The following LRRTM4 variants were observed in gnomAD, a reference collection of about 807,000 sequenced individuals.
LRRTM4 encodes leucine rich repeat transmembrane neuronal 4.
In LRRTM4, 25 loss-of-function variants were observed where a neutral mutation model predicts 47.6. The ratio of observed to expected loss-of-function variants is 0.53; its 90% confidence interval spans 0.38 to 0.73. The LOEUF (loss-of-function observed/expected upper bound fraction) is 0.73, where lower values mean the gene tolerates loss of function less well. Ranked by LOEUF, LRRTM4 falls within the 30% of genes least tolerant of loss-of-function variation. The probability of loss-of-function intolerance (pLI) is 0.00; values close to 1 mark genes in which losing one functional copy is unlikely to be tolerated. For synonymous variants in LRRTM4, 311 were observed against 269.5 expected (o/e 1.15, Z -1.51); for missense variants, 638 against 713.4 (o/e 0.89, Z 1.20).
chr2:77,460,720 A>G (rs2103971642), intron 3 of LRRTM4, among the ~76,000 whole-genome samples: 1 of 152,258 alleles, frequency 6.6e-6, no homozygotes, highest in Non-Finnish European at 1.5e-5. Context: ...TGATAGTCAG[A>G]TAATTCATTT....
chr2:76,978,635 C>G (rs1300384751), intron 3 of LRRTM4, among the ~76,000 whole-genome samples: 1 of 152,038 alleles, frequency 6.6e-6, no homozygotes, highest in African/African-American at 2.4e-5. Context: ...CACATATTTA[C>G]AGAGGTTCTA....
intron 3 of LRRTM4, among the ~76,000 whole-genome samples, chr2:76,780,116 T>C (rs1007916537): frequency 3.3e-5 from 5 of 152,266 alleles, no homozygotes; most frequent in African/African-American, 7.2e-5. Flanking sequence ...TTGCAGGGTT[T>C]CTGCCGAGAG....
intron 3 of LRRTM4, among the ~76,000 whole-genome samples, chr2:76,836,887 T>C (rs1671530898): frequency 6.6e-6 from 1 of 152,152 alleles, no homozygotes; most frequent in Non-Finnish European, 1.5e-5. Flanking sequence ...GAAATTGGTT[T>C]GTCTTTTCCC....
intron 3 of LRRTM4, among the ~76,000 whole-genome samples, chr2:76,910,046 C>T (rs7421052): frequency 0.14 from 22,022 of 152,012 alleles, 2,000 homozygotes; most frequent in Admixed American, 0.22. Flanking sequence ...CACATGAACA[C>T]GTATGTTTAT....
At chr2:77,138,483 G>A (rs1289917695) in intron 3 of LRRTM4, among the ~76,000 whole-genome samples, 1 of 152,140 alleles carries the variant, frequency 6.6e-6, no homozygotes, top group Non-Finnish European at 1.5e-5. Flanking sequence ...TGTGTAGAGG[G>A]AAATTTATAG....
intron 3 of LRRTM4, among the ~76,000 whole-genome samples, chr2:77,179,355 T>G (rs1369367679): frequency 6.6e-6 from 1 of 152,190 alleles, no homozygotes; most frequent in Non-Finnish European, 1.5e-5. Context: ...AAAAAGTCAA[T>G]GAACAAAGTC....
intron 3 of LRRTM4, among the ~76,000 whole-genome samples, chr2:77,199,261 G>A (rs2103896011): frequency 6.6e-6 from 1 of 152,170 alleles, no homozygotes; most frequent in South Asian, 2.1e-4. Context: ...TCAAGTTTTA[G>A]ATAATTTAAC....
chr2:77,318,180 G>A (rs2104217621), intron 3 of LRRTM4, among the ~76,000 whole-genome samples: 1 of 151,842 alleles, frequency 6.6e-6, no homozygotes, highest in African/African-American at 2.4e-5. Context: ...CTAATTTTTT[G>A]TATTTTTAGT....
intron 3 of LRRTM4, among the ~76,000 whole-genome samples, chr2:77,504,962 A>T (rs1316491936): frequency 2.0e-5 from 3 of 151,490 alleles, no homozygotes; most frequent in Admixed American, 6.6e-5. Context: ...GCAAATTTTC[A>T]TGAATAGTTT....
chr2:77,437,287 T>A (rs534327997), intron 3 of LRRTM4, among the ~76,000 whole-genome samples: 1 of 152,046 alleles, frequency 6.6e-6, no homozygotes, highest in Non-Finnish European at 1.5e-5. Context: ...CAGGCAAGCA[T>A]GAGAAATTTT....
At chr2:77,510,290 A>C (rs1162428096) in intron 3 of LRRTM4, among the ~76,000 whole-genome samples, 1 of 152,284 alleles carries the variant, frequency 6.6e-6, no homozygotes, top group East Asian at 1.9e-4. Context: ...TCAAATATTT[A>C]GATCTTCAAG....
intron 3 of LRRTM4, among the ~76,000 whole-genome samples, chr2:77,306,895 A>ATTTTTTTTTTTTTTTTTTTTTT (rs1491512359): frequency 8.0e-6 from 1 of 125,586 alleles, no homozygotes; most frequent in African/African-American, 3.9e-5. Flanking sequence ...CTGCTTTTCC[A>ATTTTTTTTTTTTTTTTTTTTTT]TATTTTTTTT....
At chr2:77,225,598 C>T (rs1015339677) in intron 3 of LRRTM4, among the ~76,000 whole-genome samples, 6 of 151,960 alleles carry the variant, frequency 3.9e-5, no homozygotes, top group Non-Finnish European at 7.4e-5. Flanking sequence ...TCACAATTCT[C>T]GACTAATGTT....
intron 3 of LRRTM4, among the ~76,000 whole-genome samples, chr2:76,851,325 A>G (rs944093599): frequency 6.6e-6 from 1 of 152,222 alleles, no homozygotes; most frequent in Admixed American, 6.6e-5. Context: ...CAAGCTGAAA[A>G]GCTTAACAAC....
At chr2:77,188,616 C>T (rs1481191273) in intron 3 of LRRTM4, among the ~76,000 whole-genome samples, 2 of 152,160 alleles carry the variant, frequency 1.3e-5, no homozygotes, top group Non-Finnish European at 2.9e-5. Flanking sequence ...TATGATCCAT[C>T]CACACTGCAA....
chr2:77,089,699 C>T (rs1016965804), intron 3 of LRRTM4, among the ~76,000 whole-genome samples: 2 of 151,838 alleles, frequency 1.3e-5, no homozygotes, highest in South Asian at 2.1e-4. Context: ...AACTTAAAAC[C>T]TCTTCAACTC....
Position 76,942,676 on chromosome 2 carries a change from C to CTGTGTGTGTGTGTGTGTGTGTGTG in LRRTM4, c.1552-193784_1552-193761dup, listed in dbSNP as rs61077287. Among the ~76,000 whole-genome samples the CTGTGTGTGTGTGTGTGTGTGTGTG allele has an allele frequency of 1.8e-3, 267 of 148,304 alleles. 1 individual carries two copies. The East Asian group carries it at 0.018, about 10-fold the overall frequency. ...GGTCAAGTAACCAACCTCTAGGAAT[C>CTGTGTGTGTGTGTGTGTGTGTGTG]TGTGTGTGTGTGTGTGTGTGTGTGT... is the stretch of plus-strand genomic sequence containing the variant. On this transcript the variant is annotated intron_variant, in intron 3 of 3. Coordinates refer to ENST00000409884, the MANE Select transcript of LRRTM4 (RefSeq NM_001134745.3).
chr2:76,960,277 T>G (rs1573371186), intron 3 of LRRTM4, among the ~76,000 whole-genome samples: 2 of 151,712 alleles, frequency 1.3e-5, no homozygotes, highest in Non-Finnish European at 3.0e-5. Flanking sequence ...ACGAGAGAGA[T>G]AACAGTATAT....
At chr2:77,188,810 A>G (rs1318777976) in intron 3 of LRRTM4, among the ~76,000 whole-genome samples, 1 of 152,208 alleles carries the variant, frequency 6.6e-6, no homozygotes, top group African/African-American at 2.4e-5. Flanking sequence ...CAGGTGCTCA[A>G]GTCGGAAGCA....
Sources: allele counts gnomAD v4.1 joint callset (sites outside exome capture counted in the v4.1 genomes callset), GRCh38; gene constraint gnomAD v4.1.1; transcripts MANE v1.5; gene names NCBI Gene and HGNC (gene_info 2026-07-23, HGNC 2026-07-21).